The following KDM5A variants were observed in gnomAD, a reference collection of about 807,000 sequenced individuals.
The protein encoded by KDM5A is lysine-specific demethylase 5A.
In KDM5A, 42 loss-of-function variants were observed where a neutral mutation model predicts 193.5. The observed-to-expected ratio is 0.22, with a 90% CI of 0.17 to 0.28. The LOEUF (loss-of-function observed/expected upper bound fraction) is 0.28. Ranked by LOEUF, KDM5A falls within the 10% of genes least tolerant of loss-of-function variation. The probability of loss-of-function intolerance (pLI) is 1.00; values close to 1 mark genes in which losing one functional copy is unlikely to be tolerated. For missense variants in KDM5A, 1,692 were observed against 2,055.1 expected (o/e 0.82, Z 3.42); for synonymous variants, 796 against 718.1 (o/e 1.11, Z -1.73).
intron 10 of KDM5A, among the ~76,000 whole-genome samples, chr12:335,884 A>G (rs1269414433): frequency 6.6e-6 from 1 of 151,718 alleles, no homozygotes; most frequent in Non-Finnish European, 1.5e-5. Context: ...TCTACTAAAA[A>G]TACAAAAAAT....
At chr12:289,910 T>TC (rs200372066) in intron 27 of KDM5A, among the ~76,000 whole-genome samples, 15,528 of 126,128 alleles carry the variant, frequency 0.12, 963 homozygotes, top group Non-Finnish European at 0.17. Flanking sequence ...TTTCTTTCTT[T>TC]TTTTTTTTTT....
intron 3 of KDM5A, among the ~76,000 whole-genome samples, chr12:380,476 G>A (rs997591655): frequency 3.3e-5 from 5 of 152,158 alleles, no homozygotes; most frequent in African/African-American, 1.2e-4. Flanking sequence ...TACACTTTGG[G>A]AGGCCAAGGT....
chr12:352,239 T>C lies in KDM5A; in HGVS notation c.1115A>G (p.Asn372Ser). 3 of 1,613,018 alleles carry C rather than the reference T, an allele frequency of 1.9e-6. No homozygotes were observed. Among genetic ancestry groups the C allele is most frequent in the Non-Finnish European group, 2.5e-6 (3 of 1,179,244 alleles). Residue 372 changes from asparagine to serine, a missense_variant, in exon 9 of 28, where the codon AAT becomes AGT. Coordinates refer to ENST00000399788, the MANE Select transcript of KDM5A (RefSeq NM_001042603.3). ...TLQSFGEMAD[N>S]FKSDYFNMPV... is the part of the protein sequence containing the mutation. ...CATATTAAAATAATCAGACTTAAAA[T>C]TATCTGCCATCTCTCCAAAGCTCTG...
At position 284,819 on chromosome 12, in the gene KDM5A, G is replaced by A; in HGVS notation, c.*637C>T. On this transcript the variant is annotated 3_prime_UTR_variant, in exon 28 of 28. Coordinates refer to ENST00000399788, the MANE Select transcript of KDM5A (RefSeq NM_001042603.3). ...GATATCCTCATCTTACAAAGATAAG[G>A]TGACCTGCCCCAGCTTGTGAGAGGT... 1 of 233,842 alleles carries A rather than the reference G, an allele frequency of 4.3e-6. No homozygotes were observed. The highest frequency in any genetic ancestry group is 8.4e-6 in the Non-Finnish European group (1 of 118,452). 14.5% of individuals were successfully genotyped at this position (233,842 alleles called of 1,614,324 possible). A position where few individuals can be genotyped will look rare whatever the true frequency, so the allele number is the denominator to read the frequency against.
intron 24 of KDM5A, among the ~76,000 whole-genome samples, chr12:305,157 G>T (rs925596715): frequency 6.6e-6 from 1 of 152,128 alleles, no homozygotes; most frequent in Admixed American, 6.5e-5. Context: ...CAACTGTAAT[G>T]CCTCTTTTCT....
At position 334,352 on chromosome 12, in the gene KDM5A, T is replaced by C. The variant is rs1379928583; in HGVS notation, c.1379A>G (p.Asn460Ser). 2 of 1,613,852 alleles carry C rather than the reference T, an allele frequency of 1.2e-6. No homozygotes were observed. The highest frequency in any genetic ancestry group is 1.3e-5 in the African/African-American group (1 of 74,904). ...VLEQSVLAHINVDISGMKVPW... is the reference protein window; with the variant it reads ...VLEQSVLAHISVDISGMKVPW... ...CACTTTCATACCAGAGATGTCCACA[T>C]TAATATGTGCAAGAACAGACTGTTC... is the stretch of plus-strand genomic sequence containing the variant. The change falls in exon 11 of 28, where the codon AAT becomes AGT. Residue 460 changes from asparagine to serine, a missense_variant. Around this residue, in one of 11 missense-constraint regions of KDM5A, gnomAD observed 172 missense variants for 260.3 expected, o/e 0.66. Coordinates refer to ENST00000399788, the MANE Select transcript of KDM5A (RefSeq NM_001042603.3).
chr12:375,231 G>C lies in KDM5A; in HGVS notation c.366+8800C>G, dbSNP rs548885935. 2.6e-5 allele frequency among the ~76,000 whole-genome samples: 4 copies of C among 152,266 alleles called. No individual in the cohort carries two copies. The East Asian group carries it at 7.7e-4, about 29-fold the overall frequency. On this transcript the variant is annotated intron_variant, in intron 3 of 27. Coordinates refer to ENST00000399788, the MANE Select transcript of KDM5A (RefSeq NM_001042603.3). ...GGTACACCAATCAGACACAGACTTGGTCTTTTCACATAGTCCCACATTTCT... is the reference window on the plus strand; with the variant it reads ...GGTACACCAATCAGACACAGACTTGCTCTTTTCACATAGTCCCACATTTCT...
At position 311,072 on chromosome 12, in the gene KDM5A, A is replaced by C. The variant is rs1477421023; in HGVS notation, c.3037-8T>G. 1 of 1,614,090 alleles carries C rather than the reference A, an allele frequency of 6.2e-7. No homozygotes were observed. The highest frequency in any genetic ancestry group is 8.5e-7 in the Non-Finnish European group (1 of 1,180,002). ...AGCGTAATTGCTGCCACTCTGAAAA[A>C]CCAAAGTAGATTCTCACAATTTGAG... is the stretch of plus-strand genomic sequence containing the variant. On this transcript the variant is annotated splice_polypyrimidine_tract_variant and splice_region_variant and intron_variant, in intron 20 of 27. Coordinates refer to ENST00000399788, the MANE Select transcript of KDM5A (RefSeq NM_001042603.3).
At chr12:372,157 G>A (rs1944436693) in intron 3 of KDM5A, among the ~76,000 whole-genome samples, 1 of 152,168 alleles carries the variant, frequency 6.6e-6, no homozygotes. Flanking sequence ...TAGCTTGATG[G>A]GGATGGCACT....
intron 14 of KDM5A, among the ~76,000 whole-genome samples, chr12:325,822 C>T (rs188516993): frequency 1.3e-5 from 2 of 152,138 alleles, no homozygotes; most frequent in East Asian, 1.9e-4. Context: ...GAGATTAGCC[C>T]GGCTAACATG....
intron 10 of KDM5A, 151 bp from the exon 11 acceptor site, chr12:334,573 C>T (rs776348492): frequency 3.1e-6 from 2 of 642,932 alleles, no homozygotes; most frequent in Non-Finnish European, 5.5e-6. Flanking sequence ...CTACATGTAA[C>T]TCATATAACT....
intron 3 of KDM5A, among the ~76,000 whole-genome samples, chr12:374,444 C>T (rs1944473497): frequency 6.6e-6 from 1 of 152,150 alleles, no homozygotes; most frequent in African/African-American, 2.4e-5. Context: ...TCCTCCATCC[C>T]TTTATTTTGA....
At chr12:285,801 A>G in intron 27 of KDM5A, 139 bp from the exon 28 acceptor site, 1 of 777,244 alleles carries the variant, frequency 1.3e-6, no homozygotes, top group South Asian at 1.5e-5. Flanking sequence ...TTATGGGGTT[A>G]TTTTTTAAAG....
chr12:319,524 G>A (rs558239790), intron 18 of KDM5A, among the ~76,000 whole-genome samples: 1 of 152,344 alleles, frequency 6.6e-6, no homozygotes, highest in Admixed American at 6.5e-5. Context: ...GCCAAAGCAA[G>A]TGGATCGCTT....
intron 10 of KDM5A, among the ~76,000 whole-genome samples, chr12:350,308 T>C (rs1380182156): frequency 1.3e-5 from 2 of 151,148 alleles, no homozygotes; most frequent in African/African-American, 4.9e-5. Flanking sequence ...TAATAGCGGG[T>C]GCCTGTAATA....
At chr12:344,146 A>T (rs1406733158) in intron 10 of KDM5A, among the ~76,000 whole-genome samples, 5 of 152,246 alleles carry the variant, frequency 3.3e-5, no homozygotes, top group Non-Finnish European at 7.3e-5. Flanking sequence ...CAATTTGATC[A>T]AGTGGAAGAA....
At position 307,948 on chromosome 12, in the gene KDM5A, C is replaced by T. The variant is rs567047393; in HGVS notation, c.3436G>A (p.Ala1146Thr). Residue 1146 changes from alanine (A) to threonine (T), a missense_variant, in exon 23 of 28, where the codon GCA becomes ACA. Physicochemically the swap from Ala to Thr is moderately conservative, Grantham distance 58. This residue lies in a region of KDM5A where 965 missense variants were observed against 1,061.0 expected (regional missense o/e 0.91). Transcript: ENST00000399788. The surrounding 1 kb of genome is among the most constrained non-coding windows in gnomAD (Gnocchi z 4.3). ...KEIEAMHSLR[A>T]ANLAKMTMVD... ...ATTGTCATCTTGGCTAGGTTGGCTG[C>T]TCTGAGAGAATGCATGGCTTCAATC... 3.7e-6 allele frequency: 6 copies of T among 1,614,172 alleles called. No individual in the cohort carries two copies. In the East Asian group the frequency reaches 1.3e-4, roughly 36 times the overall value.
intron 7 of KDM5A, among the ~76,000 whole-genome samples, chr12:354,622 C>T (rs1944208495): frequency 6.6e-6 from 1 of 152,042 alleles, no homozygotes; most frequent in Admixed American, 6.6e-5. Flanking sequence ...AAAAAATTAG[C>T]CAGGCATGGT....
At chr12:313,605 G>C (rs1366974592) in intron 19 of KDM5A, among the ~76,000 whole-genome samples, 1 of 152,088 alleles carries the variant, frequency 6.6e-6, no homozygotes, top group Non-Finnish European at 1.5e-5. Context: ...ACATTGGATA[G>C]CAATATAGAA....
Sources: gnomAD v4.1 joint callset for allele counts (sites outside exome capture counted in the v4.1 genomes callset) on GRCh38, gnomAD v4.1.1 for gene constraint, gnomAD v4.1.1 regional missense constraint, Gnocchi (gnomAD v3.1) non-coding constraint, MANE v1.5 for transcripts, NCBI Gene and HGNC (gene_info 2026-07-23, HGNC 2026-07-21) for gene names.